NTRK2: variants seen among roughly 807,000 people sequenced by gnomAD.
The protein encoded by NTRK2 is BDNF/NT-3 growth factors receptor.
Under a neutral mutation model 94.5 loss-of-function variants are expected in NTRK2, and 13 were observed. The ratio of observed to expected loss-of-function variants is 0.14; its 90% confidence interval spans 0.09 to 0.22. The LOEUF is 0.22. NTRK2 is among the 10% of genes least tolerant of loss of function. The pLI is 1.00. For missense variants in NTRK2, 639 were observed against 1,071.2 expected (o/e 0.60, Z 5.63); for synonymous variants, 372 against 407.4 (o/e 0.91, Z 1.05).
chr9:84,910,304 C>A (rs558541462), intron 14 of NTRK2, among the ~76,000 whole-genome samples: 1 of 152,234 alleles, frequency 6.6e-6, no homozygotes, highest in Admixed American at 6.5e-5. Context: ...CCAGTATCAT[C>A]AGGGCCATAT....
At chr9:84,764,596 A>G (rs914052510) in intron 12 of NTRK2, among the ~76,000 whole-genome samples, 7 of 152,202 alleles carry the variant, frequency 4.6e-5, no homozygotes, top group African/African-American at 1.7e-4. Flanking sequence ...ATTTTATTAT[A>G]AGAGTATAGT....
chr9:84,725,764 C>A (rs1189223079), intron 8 of NTRK2, among the ~76,000 whole-genome samples: 1 of 151,486 alleles, frequency 6.6e-6, no homozygotes, highest in East Asian at 1.9e-4. Flanking sequence ...CTTTTGTTTT[C>A]CAAAGACTAT....
At chr9:84,888,395 G>T (rs1030014138) in intron 14 of NTRK2, among the ~76,000 whole-genome samples, 1 of 151,586 alleles carries the variant, frequency 6.6e-6, no homozygotes, top group African/African-American at 2.4e-5. Context: ...TGGATCACAA[G>T]GTCAAGAGAC....
chr9:84,751,416 C>CA (rs1404394576), intron 11 of NTRK2, among the ~76,000 whole-genome samples: 2 of 151,982 alleles, frequency 1.3e-5, no homozygotes, highest in Admixed American at 6.6e-5. Context: ...CCTGTCTCTG[C>CA]AAAAAAACTT....
chr9:84,860,643 G>A (rs1379052885), intron 12 of NTRK2, among the ~76,000 whole-genome samples: 4 of 152,102 alleles, frequency 2.6e-5, no homozygotes, highest in Non-Finnish European at 4.4e-5. Flanking sequence ...CACCCCTGCA[G>A]CTTCCCTGTC....
At chr9:84,980,576 T>G (rs1827467020) in intron 17 of NTRK2, among the ~76,000 whole-genome samples, 1 of 152,244 alleles carries the variant, frequency 6.6e-6, no homozygotes, top group African/African-American at 2.4e-5. Flanking sequence ...TGCAAATTCC[T>G]AAATAAAACA....
At chr9:84,993,860 C>T (rs1220701997) in intron 17 of NTRK2, among the ~76,000 whole-genome samples, 3 of 152,184 alleles carry the variant, frequency 2.0e-5, no homozygotes, top group Non-Finnish European at 2.9e-5. Context: ...GATTTTTCCT[C>T]CTCCCTTCAC....
intron 2 of NTRK2, among the ~76,000 whole-genome samples, chr9:84,701,821 C>A (rs1014395029): frequency 1.3e-5 from 2 of 152,116 alleles, no homozygotes; most frequent in African/African-American, 4.8e-5. Flanking sequence ...AGTGGAAACA[C>A]CTTTGAGAGG....
chr9:84,967,663 G>A (rs1825712505), intron 17 of NTRK2, among the ~76,000 whole-genome samples: 1 of 152,228 alleles, frequency 6.6e-6, no homozygotes, highest in Non-Finnish European at 1.5e-5. Context: ...TGTGGCCCAC[G>A]CCCTCAGCCC....
In NTRK2 at chr9:84,770,496, C is replaced by T. The variant is rs181339693; in HGVS notation, c.1396+18411C>T. ...GAGCCCCTCCTTAATAAATCACTTG[C>T]CATGAACACTCCACTCTGGGTCTAC... On this transcript the variant is annotated intron_variant, in intron 12 of 18. Coordinates refer to ENST00000277120, the MANE Select transcript of NTRK2 (RefSeq NM_006180.6). Among the ~76,000 whole-genome samples the T allele has an allele frequency of 1.5e-3, 234 of 152,242 alleles. 2 individuals carry two copies. Among genetic ancestry groups the T allele is most frequent in the Non-Finnish European group, 3.4e-4 (23 of 68,008 alleles).
intron 14 of NTRK2, among the ~76,000 whole-genome samples, chr9:84,896,595 C>G (rs992168358): frequency 6.6e-6 from 1 of 152,208 alleles, no homozygotes; most frequent in African/African-American, 2.4e-5. Flanking sequence ...TGAAATGGAA[C>G]TGGCAGAGTG....
intron 17 of NTRK2, among the ~76,000 whole-genome samples, chr9:84,993,931 A>T (rs10868246): frequency 0.66 from 99,844 of 152,078 alleles, 33,379 homozygotes; most frequent in Middle Eastern, 0.79. Flanking sequence ...AAGAAACCTT[A>T]TATCAGGCTT....
rs1245316215 is a variant in NTRK2, at chr9:85,024,942, C to T, written c.*3505C>T. 1 of 233,002 alleles carries T rather than the reference C, an allele frequency of 4.3e-6. No individual in the cohort carries two copies. The highest frequency in any genetic ancestry group is 6.1e-5 in the East Asian group (1 of 16,502). The allele number at this position is 233,002 out of a possible 1,614,324, so 14.4% of individuals were successfully genotyped here. The stretch of plus-strand genomic sequence containing the variant: ...TATAAATACTTGATTTATACATATA[C>T]AAATGCACATACGTAGTGTGTTTGT... On this transcript the variant is annotated 3_prime_UTR_variant, in exon 19 of 19. Coordinates refer to ENST00000277120, the MANE Select transcript of NTRK2 (RefSeq NM_006180.6).
chr9:84,946,918 C>A (rs1325228717), intron 15 of NTRK2, among the ~76,000 whole-genome samples: 7 of 152,062 alleles, frequency 4.6e-5, no homozygotes, highest in Non-Finnish European at 8.8e-5. Flanking sequence ...GACATCTTTT[C>A]TCCTCTCTGA....
intron 14 of NTRK2, among the ~76,000 whole-genome samples, chr9:84,910,210 T>A (rs550377579): frequency 6.6e-6 from 1 of 152,192 alleles, no homozygotes; most frequent in Non-Finnish European, 1.5e-5. Flanking sequence ...GTTACAGGGC[T>A]GTTATAATAA....
At chr9:84,830,507 G>T (rs1398038939) in intron 12 of NTRK2, among the ~76,000 whole-genome samples, 1 of 151,736 alleles carries the variant, frequency 6.6e-6, no homozygotes, top group African/African-American at 2.4e-5. Context: ...GTATGTGTGT[G>T]AGCATGCGTG....
intron 9 of NTRK2, among the ~76,000 whole-genome samples, chr9:84,729,127 A>G (rs976688938): frequency 2.0e-5 from 3 of 152,178 alleles, no homozygotes; most frequent in African/African-American, 7.2e-5. Context: ...AGCAAAGGTG[A>G]TCCATGCAAA....
chr9:84,988,322 G>C (rs1353383815), intron 17 of NTRK2, among the ~76,000 whole-genome samples: 1 of 152,218 alleles, frequency 6.6e-6, no homozygotes, highest in Non-Finnish European at 1.5e-5. Flanking sequence ...TGAAGTCCTT[G>C]AATGTTTTTC....
chr9:84,955,543 C>G (rs140800607), intron 17 of NTRK2, 26 bp downstream of exon 17: 1 of 1,579,914 alleles, frequency 6.3e-7, no homozygotes, highest in Non-Finnish European at 8.7e-7. Context: ...GATCAGAGAC[C>G]CCAGGGACCT....
Sources: allele counts gnomAD v4.1 joint callset (sites outside exome capture counted in the v4.1 genomes callset), GRCh38; gene constraint gnomAD v4.1.1; transcripts MANE v1.5; gene names NCBI Gene and HGNC (gene_info 2026-07-23, HGNC 2026-07-21).